Variants in ANKFY1 observed in about 807,000 individuals in gnomAD.
ANKFY1 encodes ankyrin repeat and FYVE domain-containing protein 1.
Under a neutral mutation model 128.3 loss-of-function variants are expected in ANKFY1, and 47 were observed. The ratio of observed to expected loss-of-function variants is 0.37; its 90% CI spans 0.29 to 0.47. The LOEUF is 0.47. Ranked by LOEUF, ANKFY1 falls within the 20% of genes least tolerant of loss-of-function variation. The pLI, the probability that ANKFY1 is intolerant of heterozygous loss-of-function variation, is 1.00. For synonymous variants in ANKFY1, 553 were observed against 601.6 expected (o/e 0.92, Z 1.18); for missense variants, 1,222 against 1,510.6 (o/e 0.81, Z 3.17).
intron 3 of ANKFY1, among the ~76,000 whole-genome samples, chr17:4,234,579 T>C (rs1387582430): frequency 6.6e-6 from 1 of 151,866 alleles, no homozygotes; most frequent in African/African-American, 2.4e-5. Context: ...AGTGGTGACA[T>C]CATAGCTCAC....
In ANKFY1 at chr17:4,169,186, C is replaced by A; in HGVS notation, c.3377+12G>T. The stretch of plus-strand genomic sequence containing the variant: ...GTCCCCTCGCTCCTTGCCAGTGACG[C>A]TGGGGTCTTACCAGTGGTGTTTGCG... On this transcript the variant is annotated intron_variant, in intron 24 of 24. Coordinates refer to ENST00000341657, the MANE Select transcript of ANKFY1 (RefSeq NM_001330063.2). This position sits in a 1 kb window ranked among gnomAD's most constrained non-coding sequence, Gnocchi z 5.0. 1 of 1,549,314 alleles carries A rather than the reference C, an allele frequency of 6.5e-7. No individual in the cohort carries two copies. Among genetic ancestry groups the A allele is most frequent in the Non-Finnish European group, 8.7e-7 (1 of 1,144,916 alleles).
At chr17:4,244,263 T>C (rs1008404109) in intron 1 of ANKFY1, among the ~76,000 whole-genome samples, 3 of 152,102 alleles carry the variant, frequency 2.0e-5, no homozygotes, top group Non-Finnish European at 4.4e-5. Context: ...TAATTTATAA[T>C]TAAAATAATT....
Position 4,167,667 on chromosome 17 carries a change from T to C in ANKFY1, c.*112A>G, listed in dbSNP as rs2059233593. On this transcript the variant is annotated 3_prime_UTR_variant, in exon 25 of 25. Coordinates refer to ENST00000341657, the MANE Select transcript of ANKFY1 (RefSeq NM_001330063.2). The surrounding 1 kb of genome is among the most constrained non-coding windows in gnomAD (Gnocchi z 4.1). Reference sequence around the variant, plus strand: ...CATGGTCCTTAATCGTTCCAGTCTATTGCCGCAGGAAGACACCCGCCAGCT... The same window carrying C: ...CATGGTCCTTAATCGTTCCAGTCTACTGCCGCAGGAAGACACCCGCCAGCT... 4 of 1,079,990 alleles carry C rather than the reference T, an allele frequency of 3.7e-6. No homozygotes were observed. The highest frequency in any genetic ancestry group is 5.1e-6 in the Non-Finnish European group (4 of 778,326). 66.9% of individuals were successfully genotyped at this position (1,079,990 alleles called of 1,614,324 possible).
chr17:4,248,897 T>C (rs1237704884), intron 1 of ANKFY1, among the ~76,000 whole-genome samples: 1 of 152,248 alleles, frequency 6.6e-6, no homozygotes, highest in Non-Finnish European at 1.5e-5. Flanking sequence ...CTCATATTTC[T>C]TTCCAAATAA....
At position 4,209,896 on chromosome 17, in the gene ANKFY1, G is replaced by A. The variant is rs762241861; in HGVS notation, c.510C>T (p.Phe170=). 6.2e-7 allele frequency: 1 copy of A among 1,614,062 alleles called. No homozygotes were observed. Among genetic ancestry groups the A allele is most frequent in the South Asian group, 1.1e-5 (1 of 91,076 alleles). The change falls in exon 5 of 25, where the codon TTC becomes TTT. Residue 170 remains phenylalanine (F), a synonymous_variant. Coordinates refer to ENST00000341657, the MANE Select transcript of ANKFY1 (RefSeq NM_001330063.2). ...SLVNVRNCIR[F]YQTAEELNAS... ...CATTCAGCTCCTCTGCCGTCTGGTA[G>A]AAGCGAATACAGTTCCTGACATTCA...
At chr17:4,189,657 CAG>C (rs1351643145) in intron 10 of ANKFY1, among the ~76,000 whole-genome samples, 178 bp from the exon 11 acceptor site, 2 of 152,100 alleles carry the variant, frequency 1.3e-5, no homozygotes, top group African/African-American at 4.8e-5. Context: ...AGGCCCACGC[CAG>C]AGAGTAGGCC....
rs940483375 is a variant in ANKFY1, at chr17:4,184,896, C to T, written c.1621G>A (p.Val541Ile). Residue 541 changes from valine (V) to isoleucine (I), a missense_variant, in exon 12 of 25, where the codon GTC becomes ATC. Coordinates refer to ENST00000341657, the MANE Select transcript of ANKFY1 (RefSeq NM_001330063.2). ...ATGTGCAGTGGCGTCTGCAGATGGACGCTGTCCGCCAAGCTGGTCAGGGAT... is the reference window on the plus strand; with the variant it reads ...ATGTGCAGTGGCGTCTGCAGATGGATGCTGTCCGCCAAGCTGGTCAGGGAT... ...AASLTSLADS[V>I]HLQTPLHMAI... The T allele has an allele frequency of 4.3e-6, 7 of 1,614,040 alleles. No individual in the cohort carries two copies. The highest frequency in any genetic ancestry group is 1.6e-4 in the Middle Eastern group (1 of 6,062).
chr17:4,215,202 T>A (rs564684703), intron 4 of ANKFY1, among the ~76,000 whole-genome samples: 1 of 150,738 alleles, frequency 6.6e-6, no homozygotes. Context: ...GGCAGGAGAA[T>A]CGCTTGAATC....
chr17:4,241,625 T>C (rs888217192), intron 2 of ANKFY1, among the ~76,000 whole-genome samples: 1 of 151,922 alleles, frequency 6.6e-6, no homozygotes, highest in Admixed American at 6.6e-5. Context: ...TCAACCATCA[T>C]GATGCACTCT....
Position 4,167,728 on chromosome 17 carries a change from A to G in ANKFY1, c.*51T>C, listed in dbSNP as rs759154812. 1 of 1,558,098 alleles carries G rather than the reference A, an allele frequency of 6.4e-7. No individual in the cohort carries two copies. Among genetic ancestry groups the G allele is most frequent in the South Asian group, 1.2e-5 (1 of 83,876 alleles). On this transcript the variant is annotated 3_prime_UTR_variant, in exon 25 of 25. Coordinates refer to ENST00000341657, the MANE Select transcript of ANKFY1 (RefSeq NM_001330063.2). The surrounding 1 kb of genome is among the most constrained non-coding windows in gnomAD (Gnocchi z 4.1). ...GTGGGGTCAGGCTGGTGAGCAGAGC[A>G]GCTGCTGGGGAGGTGACCAAGGACG...
chr17:4,169,206 T>G lies in ANKFY1; in HGVS notation c.3369A>C (p.Lys1123Asn), dbSNP rs1342144932. 2 of 1,552,250 alleles carry G rather than the reference T, an allele frequency of 1.3e-6. No individual in the cohort carries two copies. Among genetic ancestry groups the G allele is most frequent in the East Asian group, 2.4e-5 (1 of 40,978 alleles). Residue 1123 changes from lysine (K) to asparagine (N), a missense_variant, in exon 24 of 25, where the codon AAA becomes AAC. Physicochemically the swap from Lys to Asn is moderately conservative, Grantham distance 94. Coordinates refer to ENST00000341657, the MANE Select transcript of ANKFY1 (RefSeq NM_001330063.2). The surrounding 1 kb of genome is among the most constrained non-coding windows in gnomAD (Gnocchi z 5.0). ...CTARFGVTTR[K>N]HHCRHCGRLL... The stretch of plus-strand genomic sequence containing the variant: ...TGACGCTGGGGTCTTACCAGTGGTG[T>G]TTGCGAGTGGTGACTCCGAACCTGG...
At chr17:4,260,015 G>C (rs1396917754) in intron 1 of ANKFY1, among the ~76,000 whole-genome samples, 2 of 152,172 alleles carry the variant, frequency 1.3e-5, no homozygotes, top group Non-Finnish European at 2.9e-5. Context: ...CACACACAAA[G>C]AACGCAAAAA....
intron 10 of ANKFY1, among the ~76,000 whole-genome samples, chr17:4,190,193 C>T (rs930857579): frequency 3.3e-5 from 5 of 152,198 alleles, no homozygotes; most frequent in Non-Finnish European, 5.9e-5. Context: ...GTCATCCCAG[C>T]ACTTTTGGAG....
Position 4,236,776 on chromosome 17 carries a change from C to G in ANKFY1, c.204-886G>C, listed in dbSNP as rs918202583. Among the ~76,000 whole-genome samples the G allele has an allele frequency of 2.0e-5, 3 of 151,292 alleles. No homozygotes were observed. In the East Asian group the frequency reaches 5.8e-4, roughly 29 times the overall value. On this transcript the variant is annotated intron_variant, in intron 2 of 24. Coordinates refer to ENST00000341657, the MANE Select transcript of ANKFY1 (RefSeq NM_001330063.2). ...GGAAAGTCTTTGGAAACTAAATACACAAAAACCACTATATGGAAAAAAAGA... is the reference window on the plus strand; with the variant it reads ...GGAAAGTCTTTGGAAACTAAATACAGAAAAACCACTATATGGAAAAAAAGA...
At chr17:4,204,100 A>C (rs2143014311) in intron 7 of ANKFY1, among the ~76,000 whole-genome samples, 1 of 152,264 alleles carries the variant, frequency 6.6e-6, no homozygotes, top group South Asian at 2.1e-4. Context: ...TTGTTGACAG[A>C]TTCTAATGTG....
chr17:4,210,641 G>A (rs1598082769), intron 4 of ANKFY1, among the ~76,000 whole-genome samples: 1 of 144,730 alleles, frequency 6.9e-6, no homozygotes, highest in East Asian at 2.1e-4. Flanking sequence ...CCAGGAGGCG[G>A]AGGTTGCAGT....
intron 19 of ANKFY1, among the ~76,000 whole-genome samples, chr17:4,175,682 A>G (rs1345636347): frequency 6.6e-6 from 1 of 152,080 alleles, no homozygotes; most frequent in Non-Finnish European, 1.5e-5. Flanking sequence ...TCACTGATCG[A>G]TAAGACATAT....
intron 2 of ANKFY1, among the ~76,000 whole-genome samples, chr17:4,241,269 CTTCTTCTTTT>C (rs1326078946): frequency 8.5e-3 from 38 of 4,452 alleles, no homozygotes; most frequent in Middle Eastern, 0.25. Context: ...TCTTCTTCTT[CTTCTTCTTTT>C]TTTTTTTTTT....
At chr17:4,243,074 G>A (rs543086936) in intron 1 of ANKFY1, among the ~76,000 whole-genome samples, 37 of 151,988 alleles carry the variant, frequency 2.4e-4, no homozygotes, top group African/African-American at 6.3e-4. Flanking sequence ...TTGTTTGTTT[G>A]TTTGTTTGTT....
Sources: allele counts gnomAD v4.1 joint callset (sites outside exome capture counted in the v4.1 genomes callset), GRCh38; gene constraint gnomAD v4.1.1; non-coding constraint Gnocchi (gnomAD v3.1); transcripts MANE v1.5; gene names NCBI Gene and HGNC (gene_info 2026-07-23, HGNC 2026-07-21).